Variants in RBM26 observed in about 807,000 individuals in gnomAD.
RBM26 encodes the protein RNA binding motif protein 26.
In RBM26, 30 loss-of-function variants were observed where a neutral mutation model predicts 123.6. The observed-to-expected ratio is 0.24, with a 90% CI of 0.18 to 0.33. The LOEUF is 0.33. RBM26 is among the 10% of genes least tolerant of loss of function. The pLI is 1.00. For synonymous variants in RBM26, 400 were observed against 404.4 expected, an observed-to-expected ratio of 0.99 and a Z score of 0.13; for missense variants, 947 against 1,203.6, an observed-to-expected ratio of 0.79 and a Z score of 3.15.
Position 79,377,476 on chromosome 13 carries a change from T to G in RBM26, c.230A>C (p.Asn77Thr). The change falls in exon 3 of 22, where the codon AAT (asparagine) becomes ACT (threonine). Residue 77 changes from asparagine to threonine, a missense_variant. Physicochemically the swap from Asn to Thr is moderately conservative, Grantham distance 65. Coordinates refer to ENST00000438737, the MANE Select transcript of RBM26 (RefSeq NM_001366735.2). ...TGGAGGAGGTAGGTAACTCTTTGTA[T>G]TCACAGCATCAAAAAGTTTTTCCAC... ...IFVEKLFDAV[N>T]TKSYLPPPEQ... 1 of 1,613,060 alleles carries G rather than the reference T, an allele frequency of 6.2e-7. No individual in the cohort carries two copies. Among genetic ancestry groups the G allele is most frequent in the Non-Finnish European group, 8.5e-7 (1 of 1,179,072 alleles).
At chr13:79,401,653 G>A (rs77424983) in intron 1 of RBM26, among the ~76,000 whole-genome samples, 4,335 of 152,262 alleles carry the variant, frequency 0.028, 171 homozygotes, top group African/African-American at 0.085. Flanking sequence ...GCCTATCTGT[G>A]TTTAATCAAC....
chr13:79,337,329 A>C, intron 18 of RBM26, 27 bp from the exon 19 acceptor site: 1 of 1,612,950 alleles, frequency 6.2e-7, no homozygotes, highest in Non-Finnish European at 8.5e-7. Flanking sequence ...ACACAGGTTA[A>C]ACAATGCTGT....
chr13:79,356,815 T>C (rs980682134), intron 11 of RBM26, among the ~76,000 whole-genome samples: 1 of 152,178 alleles, frequency 6.6e-6, no homozygotes, highest in Non-Finnish European at 1.5e-5. Context: ...TCACTTGTAA[T>C]TGAGTAAATG....
At chr13:79,392,019 T>TA in intron 1 of RBM26, among the ~76,000 whole-genome samples, 1 of 97,116 alleles carries the variant, frequency 1.0e-5, no homozygotes, top group Non-Finnish European at 1.9e-5. Flanking sequence ...ATATTATACA[T>TA]TATTATATAA....
At chr13:79,342,005 C>G (rs538880093) in intron 17 of RBM26, among the ~76,000 whole-genome samples, 1 of 151,818 alleles carries the variant, frequency 6.6e-6, no homozygotes, top group East Asian at 1.9e-4. Context: ...ATTGTTGTAG[C>G]AATTTTTGAG....
chr13:79,368,089 G>A (rs951904687), intron 6 of RBM26, among the ~76,000 whole-genome samples: 3 of 150,872 alleles, frequency 2.0e-5, no homozygotes, highest in African/African-American at 4.9e-5. Flanking sequence ...GCAGTGGTGC[G>A]ATCTTGGCTT....
chr13:79,369,065 GA>G, intron 5 of RBM26, 75 bp from the exon 6 acceptor site: 3 of 951,454 alleles, frequency 3.2e-6, no homozygotes, highest in Non-Finnish European at 4.4e-6. Flanking sequence ...AAGAAATAGT[GA>G]TATTTTTATA....
intron 1 of RBM26, among the ~76,000 whole-genome samples, chr13:79,391,987 C>A (rs1040553510): frequency 2.4e-4 from 27 of 111,946 alleles, no homozygotes; most frequent in Non-Finnish European, 3.9e-4. Flanking sequence ...ATATATTATG[C>A]AATACATTAT....
At position 79,371,880 on chromosome 13, in the gene RBM26, G is replaced by A; in HGVS notation, c.378C>T (p.His126=). ...ATCGGGAGCTTGACTGGGGAGGACT[G>A]TGATTTAGCCTTCTAGAAAACTTCT... is the stretch of plus-strand genomic sequence containing the variant. The part of the protein sequence containing the change: ...REKKFSRRLN[H]SPPQSSSRYR... Residue 126 remains histidine (H), a synonymous_variant, in exon 4 of 22, where the codon CAC becomes CAT. Transcript: ENST00000438737. The A allele has an allele frequency of 6.2e-7, 1 of 1,612,046 alleles. No homozygotes were observed. Among genetic ancestry groups the A allele is most frequent in the East Asian group, 2.2e-5 (1 of 44,828 alleles).
At position 79,378,847 on chromosome 13, in the gene RBM26, T is replaced by C; in HGVS notation, c.132A>G (p.Lys44=). Residue 44 remains lysine, a synonymous_variant, in exon 2 of 22, where the codon AAA becomes AAG. Coordinates refer to ENST00000438737, the MANE Select transcript of RBM26 (RefSeq NM_001366735.2). ...KYVLALVKKD[K]SEKELKALCI... ...ATAATGCCTTTAACTCTTTTTCACT[T>C]TTGTCTTTCTTTACCAAAGCCAGAA... 6.2e-7 allele frequency: 1 copy of C among 1,613,618 alleles called. No individual in the cohort carries two copies. Among genetic ancestry groups the C allele is most frequent in the Non-Finnish European group, 8.5e-7 (1 of 1,179,592 alleles).
Position 79,366,056 on chromosome 13 carries a change from T to C in RBM26, c.1275A>G (p.Ala425=). The C allele has an allele frequency of 1.2e-6, 2 of 1,613,484 alleles. No homozygotes were observed. The highest frequency in any genetic ancestry group is 1.7e-6 in the Non-Finnish European group (2 of 1,179,754). The part of the protein sequence containing the change: ...PPPAPPSLFT[A]DTYDTDGYNP... Reference sequence around the variant, plus strand: ...ATATAAAAAGGGCCAAAACTGCACCTGCAGTAAAAAGAGAGGGTGGAGCAG... The same window carrying C: ...ATATAAAAAGGGCCAAAACTGCACCCGCAGTAAAAAGAGAGGGTGGAGCAG... Residue 425 remains alanine, a splice_region_variant and synonymous_variant, in exon 8 of 22, where the codon GCA becomes GCG. Coordinates refer to ENST00000438737, the MANE Select transcript of RBM26 (RefSeq NM_001366735.2).
intron 1 of RBM26, among the ~76,000 whole-genome samples, chr13:79,394,665 G>C (rs532388019): frequency 2.5e-4 from 38 of 152,150 alleles, no homozygotes; most frequent in Non-Finnish European, 4.0e-4. Flanking sequence ...ACAGAGTCTC[G>C]CTCTGTTGCC....
intron 4 of RBM26, 109 bp downstream of exon 4, chr13:79,371,733 A>G (rs73234614): frequency 0.019 from 13,549 of 729,224 alleles, 172 homozygotes; most frequent in Non-Finnish European, 0.023. Context: ...CTAGACCAAT[A>G]AAAGAGTAGA....
chr13:79,390,070 C>A (rs2077816389), intron 1 of RBM26, among the ~76,000 whole-genome samples: 1 of 151,960 alleles, frequency 6.6e-6, no homozygotes, highest in Non-Finnish European at 1.5e-5. Flanking sequence ...TATATGTTTA[C>A]AAGTTTATAT....
chr13:79,327,165 G>A (rs1208172671), intron 20 of RBM26, among the ~76,000 whole-genome samples: 3 of 151,688 alleles, frequency 2.0e-5, no homozygotes, highest in Non-Finnish European at 4.4e-5. Flanking sequence ...CTGTGGCGGC[G>A]TGTGCCTATA....
In RBM26 at chr13:79,342,816, G is replaced by C; in HGVS notation, c.2275C>G (p.Leu759Val). The part of the protein sequence containing the change: ...IETQKMLISK[L>V]EKNKTMKSED... ...GACTTCATTGTTTTGTTTTTCTCCA[G>C]TTTTGAAATTAACATCTGCCAAATT... The change falls in exon 17 of 22, where the codon CTG (leucine) becomes GTG (valine). Residue 759 changes from leucine to valine, a missense_variant. This residue lies in a region of RBM26 where 493 missense variants were observed against 563.1 expected (regional missense o/e 0.88). Transcript: ENST00000438737. 1 of 1,589,016 alleles carries C rather than the reference G, an allele frequency of 6.3e-7. No homozygotes were observed. Among genetic ancestry groups the C allele is most frequent in the Non-Finnish European group, 8.6e-7 (1 of 1,168,600 alleles).
At chr13:79,369,275 A>T (rs1409840252) in intron 5 of RBM26, among the ~76,000 whole-genome samples, 2 of 152,174 alleles carry the variant, frequency 1.3e-5, no homozygotes, top group African/African-American at 2.4e-5. Flanking sequence ...TCTTCATCAC[A>T]ATCTTGGTAT....
At chr13:79,321,736 T>C (rs1449362621) in intron 21 of RBM26, among the ~76,000 whole-genome samples, 2 of 151,418 alleles carry the variant, frequency 1.3e-5, no homozygotes, top group African/African-American at 4.8e-5. Context: ...CCACTATCAA[T>C]ACCTCCTTTA....
rs1201160875 is a variant in RBM26, at chr13:79,373,629, CTA to C, written c.328-1701_328-1700del. The stretch of plus-strand genomic sequence containing the variant: ...TAGTATATTTATATATTATATATTA[CTA>C]TATATATTTATATAGTCTATTTATA... On this transcript the variant is annotated intron_variant, in intron 3 of 21. Coordinates refer to ENST00000438737, the MANE Select transcript of RBM26 (RefSeq NM_001366735.2). 1.7e-4 allele frequency among the ~76,000 whole-genome samples: 15 copies of C among 89,886 alleles called. 2 individuals carry two copies. Among genetic ancestry groups the C allele is most frequent in the African/African-American group, 4.2e-4 (9 of 21,654 alleles). 59.0% of individuals were successfully genotyped at this position (89,886 alleles called of 152,430 possible).
Sources: gnomAD v4.1 joint callset for allele counts (sites outside exome capture counted in the v4.1 genomes callset) on GRCh38, gnomAD v4.1.1 for gene constraint, gnomAD v4.1.1 regional missense constraint, MANE v1.5 for transcripts, NCBI Gene and HGNC (gene_info 2026-07-23, HGNC 2026-07-21) for gene names.